The following KAZN variants were observed in gnomAD, a reference collection of about 807,000 sequenced individuals.
The protein encoded by KAZN is kazrin, periplakin interacting protein.
In KAZN, 40 loss-of-function variants were observed where a neutral mutation model predicts 87.4. The observed-to-expected ratio is 0.46, with a 90% CI of 0.36 to 0.60. KAZN has a LOEUF of 0.60. Ranked by LOEUF, KAZN falls within the 20% of genes least tolerant of loss-of-function variation. The probability of loss-of-function intolerance (pLI) is 0.00; values close to 1 mark genes in which losing one functional copy is unlikely to be tolerated. For synonymous variants in KAZN, 466 were observed against 458.3 expected (o/e 1.02, Z -0.22); for missense variants, 898 against 1,073.9 (o/e 0.84, Z 2.29).
At chr1:14,160,596 C>CT (rs1645688828) in intron 1 of KAZN, among the ~76,000 whole-genome samples, 1 of 152,114 alleles carries the variant, frequency 6.6e-6, no homozygotes, top group Non-Finnish European at 1.5e-5. Flanking sequence ...TATGAAGGTG[C>CT]TTTTTTTGTG....
intron 6 of KAZN, chr1:15,060,511 C>A: frequency 1.5e-6 from 1 of 667,376 alleles, no homozygotes; most frequent in Non-Finnish European, 2.5e-6. Flanking sequence ...TCCTTGTGTC[C>A]GGGAGGGTGA....
At chr1:14,549,470 TA>T (rs1673367351) in intron 2 of KAZN, among the ~76,000 whole-genome samples, 1 of 152,128 alleles carries the variant, frequency 6.6e-6, no homozygotes, top group African/African-American at 2.4e-5. Context: ...CCCTTATCCA[TA>T]CCTGTGGCCC....
intron 1 of KAZN, among the ~76,000 whole-genome samples, chr1:14,065,631 A>T (rs969741208): frequency 6.6e-6 from 1 of 151,594 alleles, no homozygotes; most frequent in African/African-American, 2.4e-5. Flanking sequence ...TAAATGTCTG[A>T]TCTTCCAATT....
chr1:14,442,364 G>A (rs1166891204), intron 2 of KAZN, among the ~76,000 whole-genome samples: 1 of 152,154 alleles, frequency 6.6e-6, no homozygotes, highest in East Asian at 1.9e-4. Flanking sequence ...TTAAAATTGG[G>A]GCTCAGAGAA....
rs1553132989 is a variant in KAZN at position 14,133,377 on chromosome 1, A to AAAAAG, written c.92-47055_92-47054insAGAAA. ...TGAGACTCCCTCTCAAAAAAAAAAAAAAAGAAAGAAAGAAAGAAAGAAAGA... is the reference window on the plus strand; with the variant it reads ...TGAGACTCCCTCTCAAAAAAAAAAAAAAAAGAAAGAAAGAAAGAAAGAAAGAAAGA... On this transcript the variant is annotated intron_variant, in intron 1 of 16. Coordinates refer to the KAZN transcript ENST00000636203. 1.5e-3 allele frequency among the ~76,000 whole-genome samples: 107 copies of AAAAAG among 72,024 alleles called. 1 individual carries two copies. The highest frequency in any genetic ancestry group is 6.5e-3 in the African/African-American group (89 of 13,662). The allele number at this position is 72,024 out of a possible 152,430, so 47.3% of individuals were successfully genotyped here.
At chr1:14,200,608 CAGAA>C (rs567397193) in intron 2 of KAZN, among the ~76,000 whole-genome samples, 2 of 152,280 alleles carry the variant, frequency 1.3e-5, no homozygotes, top group East Asian at 1.9e-4. Context: ...TAGGCAAACA[CAGAA>C]AGCCTACTGT....
intron 2 of KAZN, among the ~76,000 whole-genome samples, chr1:14,514,859 C>G (rs1671221202): frequency 6.6e-6 from 1 of 151,790 alleles, no homozygotes. Context: ...ATACAGGACA[C>G]TGTTTTGTGT....
chr1:14,956,586 A>G (rs1385758293), intron 1 of KAZN, among the ~76,000 whole-genome samples: 3 of 151,538 alleles, frequency 2.0e-5, no homozygotes, highest in Non-Finnish European at 4.4e-5. Flanking sequence ...AGCCTGGGCA[A>G]CAGGAGTGAA....
chr1:15,017,822 G>A (rs897404530), intron 2 of KAZN, among the ~76,000 whole-genome samples: 2 of 151,850 alleles, frequency 1.3e-5, no homozygotes, highest in South Asian at 4.2e-4. Flanking sequence ...AAAAGCCTTA[G>A]AATTCTGGGG....
chr1:14,904,326 A>AAG (rs34800287), intron 1 of KAZN, among the ~76,000 whole-genome samples: 2 of 151,450 alleles, frequency 1.3e-5, no homozygotes, highest in African/African-American at 4.8e-5. Flanking sequence ...AAAAAAAAAA[A>AAG]GAATTGCCTC....
chr1:14,277,969 G>T (rs768290419), intron 2 of KAZN, among the ~76,000 whole-genome samples: 1 of 151,782 alleles, frequency 6.6e-6, no homozygotes, highest in African/African-American at 2.4e-5. Flanking sequence ...CCACCCTCAC[G>T]TTTATTTACA....
chr1:15,065,832 G>A lies in KAZN; in HGVS notation c.1222+79G>A, dbSNP rs764482717. On this transcript the variant is annotated intron_variant, in intron 8 of 14. Transcript: ENST00000376030. ...CCCTGCGCCTGCTGCCCGCAGGCGT[G>A]TCTGTGCGTGTGGGCGTGTGTGCAA... 4 of 1,583,752 alleles carry A rather than the reference G, an allele frequency of 2.5e-6. No homozygotes were observed. In the South Asian group the frequency reaches 3.4e-5, roughly 13 times the overall value.
At chr1:14,742,160 A>G (rs1347356442) in intron 1 of KAZN, among the ~76,000 whole-genome samples, 1 of 152,182 alleles carries the variant, frequency 6.6e-6, no homozygotes, top group Non-Finnish European at 1.5e-5. Flanking sequence ...GTCCTCTCCA[A>G]CTGCTATAAT....
chr1:14,674,341 A>G (rs1003199202), intron 1 of KAZN, among the ~76,000 whole-genome samples: 1 of 152,246 alleles, frequency 6.6e-6, no homozygotes, highest in African/African-American at 2.4e-5. Context: ...GTGGTCACCA[A>G]AAGAACCATG....
intron 1 of KAZN, among the ~76,000 whole-genome samples, chr1:14,908,057 A>G (rs1656809792): frequency 6.6e-6 from 1 of 152,200 alleles, no homozygotes; most frequent in Admixed American, 6.5e-5. Context: ...ATTCTTGAGG[A>G]CAAGCCAAGA....
rs1464957880 is a variant in KAZN at position 14,141,257 on chromosome 1, A to C, written c.92-39178A>C. On this transcript the variant is annotated intron_variant, in intron 1 of 16. Transcript: ENST00000636203. Reference sequence around the variant, plus strand: ...CATTTAAAAAAAAAAAAAAAAACAAAACTAAAAATAGCTGCTTGGAGAAAA... The same window carrying C: ...CATTTAAAAAAAAAAAAAAAAACAACACTAAAAATAGCTGCTTGGAGAAAA... Among the ~76,000 whole-genome samples, 41 of 144,730 alleles carry C rather than the reference A, an allele frequency of 2.8e-4. No homozygotes were observed. The Admixed American group carries it at 2.9e-3, about 10-fold the overall frequency. The allele number at this position is 144,730 out of a possible 152,430, so 94.9% of individuals were successfully genotyped here.
chr1:14,801,048 C>CA (rs34894690), intron 1 of KAZN, among the ~76,000 whole-genome samples: 22,867 of 128,636 alleles, frequency 0.18, 1,987 homozygotes, highest in African/African-American at 0.21. Context: ...AACTTTATCT[C>CA]AAAAAAAAAA....
In KAZN at chr1:14,735,593, C is replaced by G. The variant is rs946937368; in HGVS notation, c.226+136370C>G. Among the ~76,000 whole-genome samples, 4 of 152,170 alleles carry G rather than the reference C, an allele frequency of 2.6e-5. No individual in the cohort carries two copies. Among genetic ancestry groups the G allele is most frequent in the African/African-American group, 9.7e-5 (4 of 41,444 alleles). On this transcript the variant is annotated intron_variant, in intron 1 of 14. Transcript: ENST00000376030. The surrounding 1 kb of genome is among the most constrained non-coding windows in gnomAD (Gnocchi z 4.3). ...CTAACGGCCGTTTTCACATGGCAGC[C>G]CCCCACGCTGAGATCCATATACCCA... is the stretch of plus-strand genomic sequence containing the variant.
intron 1 of KAZN, among the ~76,000 whole-genome samples, chr1:14,067,108 T>A (rs1038626275): frequency 6.6e-6 from 1 of 152,052 alleles, no homozygotes; most frequent in South Asian, 2.1e-4. Context: ...ATTTACCAAC[T>A]TTTTTCCCTG....
Sources: gnomAD v4.1 joint callset for allele counts (sites outside exome capture counted in the v4.1 genomes callset) on GRCh38, gnomAD v4.1.1 for gene constraint, Gnocchi (gnomAD v3.1) non-coding constraint, MANE v1.5 for transcripts, NCBI Gene and HGNC (gene_info 2026-07-23, HGNC 2026-07-21) for gene names.